CASP6: variants seen among roughly 807,000 people sequenced by gnomAD.
CASP6 encodes the protein caspase-6.
In CASP6, 20 loss-of-function variants were observed where a neutral mutation model predicts 31.8. That is an observed-to-expected ratio of 0.63 (90% confidence interval 0.44 to 0.91). The LOEUF (loss-of-function observed/expected upper bound fraction) is 0.91, where lower values mean the gene tolerates loss of function less well. CASP6 is among the 40% of genes least tolerant of loss of function. The pLI, the probability that CASP6 is intolerant of heterozygous loss-of-function variation, is 0.00. For missense variants in CASP6, 328 were observed against 361.1 expected, an observed-to-expected ratio of 0.91 and a Z score of 0.74; for synonymous variants, 130 against 127.8, an observed-to-expected ratio of 1.02 and a Z score of -0.12.
At chr4:109,685,560 A>G (rs1473362150), downstream of CASP6, among the ~76,000 whole-genome samples, 2 of 152,224 alleles carry the variant, frequency 1.3e-5, no homozygotes, top group East Asian at 3.8e-4. Context: ...CTGTACATGA[A>G]GATAGCTTTA....
At chr4:109,693,770 G>A (rs1363406512) in intron 5 of CASP6, among the ~76,000 whole-genome samples, 2 of 146,622 alleles carry the variant, frequency 1.4e-5, no homozygotes, top group Non-Finnish European at 3.0e-5. Context: ...ACAGAGTCTC[G>A]CTCTGACGCC....
At chr4:109,670,137 C>T in the CASP6 span, among the ~76,000 whole-genome samples, 1 of 152,064 alleles carries the variant, frequency 6.6e-6, no homozygotes. Context: ...GTAAATAAGC[C>T]TTTTATAATA....
chr4:109,665,816 G>C, the CASP6 span, among the ~76,000 whole-genome samples: 1 of 152,030 alleles, frequency 6.6e-6, no homozygotes, highest in Non-Finnish European at 1.5e-5. Context: ...CTTTTTGGCA[G>C]GGGTGGGGGC....
the CASP6 span, among the ~76,000 whole-genome samples, chr4:109,668,238 TCTGTAA>T: frequency 6.6e-6 from 1 of 152,112 alleles, no homozygotes; most frequent in Non-Finnish European, 1.5e-5. Flanking sequence ...AATGTTGAAG[TCTGTAA>T]CTGTAAACAT....
intron 6 of CASP6, among the ~76,000 whole-genome samples, 164 bp downstream of exon 6, chr4:109,690,685 AT>A (rs1730021929): frequency 6.6e-6 from 1 of 152,154 alleles, no homozygotes; most frequent in South Asian, 2.1e-4. Flanking sequence ...TTACACTTTC[AT>A]TTATCACTCT....
intron 5 of CASP6, among the ~76,000 whole-genome samples, chr4:109,691,701 A>G (rs754990776): frequency 2.2e-4 from 33 of 152,332 alleles, no homozygotes; most frequent in African/African-American, 3.1e-4. Flanking sequence ...CCTAGCCCCA[A>G]TACCTCAACT....
chr4:109,688,512 CAAA>C (rs1239952521), downstream of CASP6: 1 of 152,036 alleles, frequency 6.6e-6, no homozygotes. Flanking sequence ...AAGTCATACA[CAAA>C]ATGTGGTAAT....
chr4:109,697,690 C>G lies in CASP6; in HGVS notation c.162G>C (p.Arg54Ser). 1 of 1,614,026 alleles carries G rather than the reference C, an allele frequency of 6.2e-7. No homozygotes were observed. Among genetic ancestry groups the G allele is most frequent in the Non-Finnish European group, 8.5e-7 (1 of 1,179,968 alleles). The change falls in exon 3 of 7, where the codon AGG (arginine) becomes AGC (serine). Residue 54 changes from arginine (R) to serine (S), a missense_variant. Physicochemically the swap from Arg to Ser is moderately radical, Grantham distance 110. Coordinates refer to ENST00000265164, the MANE Select transcript of CASP6 (RefSeq NM_001226.4). ...RGIALIFNHE[R>S]FFWHLTLPER... is the part of the protein sequence containing the mutation. Reference sequence around the variant, plus strand: ...CTGGCAGTGTTAAGTGCCAAAAGAACCTCTCATGATTGAAGATTAAAGCAA... The same window carrying G: ...CTGGCAGTGTTAAGTGCCAAAAGAAGCTCTCATGATTGAAGATTAAAGCAA...
At chr4:109,667,272 G>A in the CASP6 span, among the ~76,000 whole-genome samples, 1 of 152,006 alleles carries the variant, frequency 6.6e-6, no homozygotes, top group Non-Finnish European at 1.5e-5. Context: ...ATAGGTATAG[G>A]CTTATGTAGA....
chr4:109,666,880 A>C, the CASP6 span, among the ~76,000 whole-genome samples: 1 of 152,162 alleles, frequency 6.6e-6, no homozygotes, highest in Non-Finnish European at 1.5e-5. Flanking sequence ...GTCTGTTGAT[A>C]TGATGGATTA....
intron 2 of CASP6, 46 bp downstream of exon 2, chr4:109,698,254 G>T: frequency 6.4e-7 from 1 of 1,566,998 alleles, no homozygotes; most frequent in South Asian, 1.2e-5. Flanking sequence ...GGCTGATCAT[G>T]ACCATCAAAG....
rs1730193219 is a variant in CASP6 at position 109,695,012 on chromosome 4, G to T, written c.308-312C>A. On this transcript the variant is annotated intron_variant, in intron 4 of 6. Coordinates refer to ENST00000265164, the MANE Select transcript of CASP6 (RefSeq NM_001226.4). ...TATCCAGCTAATTTTTGTATTTTTA[G>T]TAGAGACGGGGTTTTGCCATGTAGC... 2.0e-5 allele frequency among the ~76,000 whole-genome samples: 3 copies of T among 151,984 alleles called. No individual in the cohort carries two copies. The South Asian group carries it at 6.2e-4, about 32-fold the overall frequency.
chr4:109,674,708 G>C, the CASP6 span, among the ~76,000 whole-genome samples: 1 of 152,218 alleles, frequency 6.6e-6, no homozygotes, highest in Non-Finnish European at 1.5e-5. Context: ...TTGTAAACAT[G>C]AGAATAACTT....
chr4:109,694,729 A>C, intron 4 of CASP6, 29 bp from the exon 5 acceptor site: 1 of 1,468,602 alleles, frequency 6.8e-7, no homozygotes. Context: ...AGAATATAGA[A>C]ATGAAAATAT....
At chr4:109,708,954 A>T in the CASP6 span, among the ~76,000 whole-genome samples, 1 of 152,318 alleles carries the variant, frequency 6.6e-6, no homozygotes, top group Admixed American at 6.5e-5. Flanking sequence ...GGTTCTACTC[A>T]CGGCTTCCCC....
Position 109,698,308 on chromosome 4 carries a change from G to A in CASP6, c.75C>T (p.Phe25=). The change falls in exon 2 of 7, where the codon TTC becomes TTT. Residue 25 remains phenylalanine, a synonymous_variant. Coordinates refer to ENST00000265164, the MANE Select transcript of CASP6 (RefSeq NM_001226.4). ...GEENMTETDA[F]YKREMFDPAE... ...AAAGAGCACAGCTTTACCTTTTATA[G>A]AAGGCATCTGTTTCTGTCATGTTTT... 1 of 1,610,616 alleles carries A rather than the reference G, an allele frequency of 6.2e-7. No individual in the cohort carries two copies. Among genetic ancestry groups the A allele is most frequent in the South Asian group, 1.1e-5 (1 of 90,148 alleles).
chr4:109,681,730 TG>T, the CASP6 span, among the ~76,000 whole-genome samples: 10 of 152,234 alleles, frequency 6.6e-5, no homozygotes, highest in South Asian at 2.1e-4. Context: ...GGTGCCTCGC[TG>T]GATCAGGAGC....
At chr4:109,703,654 C>T (rs1025748692), upstream of CASP6, 4 of 547,366 alleles carry the variant, frequency 7.3e-6, no homozygotes, top group African/African-American at 4.0e-5. Flanking sequence ...GTCTTCGCCT[C>T]CAGGCCCGCT....
intron 4 of CASP6, 38 bp from the exon 5 acceptor site, chr4:109,694,738 A>ATG (rs763249341): frequency 1.2e-5 from 18 of 1,453,940 alleles, no homozygotes; most frequent in Non-Finnish European, 1.6e-5. Context: ...AAATGAAAAT[A>ATG]TGATGCTTGT....
Sources: gnomAD v4.1 joint callset for allele counts (sites outside exome capture counted in the v4.1 genomes callset) on GRCh38, gnomAD v4.1.1 for gene constraint, MANE v1.5 for transcripts, NCBI Gene and HGNC (gene_info 2026-07-23, HGNC 2026-07-21) for gene names.